ACVR1: variants seen among roughly 807,000 people sequenced by gnomAD.
ACVR1 encodes the protein activin A receptor type 1.
ACVR1 carries 38 observed loss-of-function variants against 57.1 expected under a neutral mutation model. The observed-to-expected ratio is 0.67, with a 90% confidence interval of 0.51 to 0.87. ACVR1 has a LOEUF of 0.87. ACVR1 is among the 40% of genes least tolerant of loss of function. The pLI is 0.00. For synonymous variants in ACVR1, 212 were observed against 228.1 expected, an observed-to-expected ratio of 0.93 and a Z score of 0.63; for missense variants, 463 against 638.2, an observed-to-expected ratio of 0.73 and a Z score of 2.96.
chr2:157,791,944 G>T (rs1206909025), intron 3 of ACVR1, among the ~76,000 whole-genome samples: 1 of 152,132 alleles, frequency 6.6e-6, no homozygotes, highest in Admixed American at 6.5e-5. Context: ...AAACTGGACT[G>T]TTGGTAATTT....
chr2:157,834,036 A>G (rs915446813), intron 1 of ACVR1, among the ~76,000 whole-genome samples: 61 of 152,206 alleles, frequency 4.0e-4, no homozygotes, highest in African/African-American at 1.4e-3. Flanking sequence ...CAGTTTTTTA[A>G]TAATACTTTG....
chr2:157,788,589 T>C (rs1686797861), intron 3 of ACVR1, among the ~76,000 whole-genome samples: 1 of 152,210 alleles, frequency 6.6e-6, no homozygotes, highest in Non-Finnish European at 1.5e-5. Context: ...TGTTCTATTT[T>C]ACTTTGCTAT....
chr2:157,800,590 T>C (rs1408724630), intron 2 of ACVR1, among the ~76,000 whole-genome samples: 1 of 152,190 alleles, frequency 6.6e-6, no homozygotes, highest in East Asian at 1.9e-4. Flanking sequence ...GGTTCCATAA[T>C]TATAGTTCAG....
At position 157,863,336 on chromosome 2, in the gene ACVR1, C is replaced by CTTTTTTTTTTTTTTTTT. The variant is rs1161335923; in HGVS notation, c.-183+12443_-183+12459dup. Among the ~76,000 whole-genome samples the CTTTTTTTTTTTTTTTTT allele has an allele frequency of 8.4e-5, 3 of 35,674 alleles. 1 individual carries two copies. Among genetic ancestry groups the CTTTTTTTTTTTTTTTTT allele is most frequent in the Non-Finnish European group, 1.4e-4 (3 of 20,822 alleles). 23.4% of individuals were successfully genotyped at this position (35,674 alleles called of 152,430 possible). A position where few individuals can be genotyped will look rare whatever the true frequency, so the allele number is the denominator to read the frequency against. On this transcript the variant is annotated intron_variant, in intron 1 of 10. Coordinates refer to ENST00000434821, the MANE Select transcript of ACVR1 (RefSeq NM_001111067.4). The stretch of plus-strand genomic sequence containing the variant: ...CCTATAGAACAGTTAAATTGTTTCT[C>CTTTTTTTTTTTTTTTTT]TTTTTTTTTTTTTTTTTTTTTTTTT...
intron 9 of ACVR1, among the ~76,000 whole-genome samples, chr2:157,748,470 G>T (rs1685056000): frequency 6.6e-6 from 1 of 152,144 alleles, no homozygotes; most frequent in African/African-American, 2.4e-5. Flanking sequence ...GTGAGGAAAT[G>T]AAGCTGACGT....
chr2:157,811,448 A>T (rs6749094), intron 2 of ACVR1, among the ~76,000 whole-genome samples: 1 of 152,130 alleles, frequency 6.6e-6, no homozygotes, highest in Non-Finnish European at 1.5e-5. Flanking sequence ...TAATATTTAA[A>T]TTTTTTATTA....
intron 1 of ACVR1, among the ~76,000 whole-genome samples, chr2:157,845,198 G>A (rs561818172): frequency 6.6e-6 from 1 of 152,342 alleles, no homozygotes; most frequent in South Asian, 2.1e-4. Flanking sequence ...AGGTAGTGTA[G>A]TGGGTTGAAC....
At chr2:157,847,016 A>C (rs531390038) in intron 1 of ACVR1, among the ~76,000 whole-genome samples, 10 of 152,318 alleles carry the variant, frequency 6.6e-5, no homozygotes, top group African/African-American at 2.4e-4. Flanking sequence ...ATATGTATGT[A>C]TATAAGCCCT....
At chr2:157,817,993 C>T (rs1170071749) in intron 2 of ACVR1, among the ~76,000 whole-genome samples, 1 of 130,462 alleles carries the variant, frequency 7.7e-6, no homozygotes, top group African/African-American at 2.5e-5. Context: ...CAGAACGAGA[C>T]TCCGTCTCAA....
At chr2:157,757,006 G>GATATATATATATTTGATAT (rs1252113270) in intron 9 of ACVR1, among the ~76,000 whole-genome samples, 1 of 129,600 alleles carries the variant, frequency 7.7e-6, no homozygotes, top group Non-Finnish European at 1.6e-5. Context: ...ATATATTTGA[G>GATATATATATATTTGATAT]ATATATATAT....
chr2:157,864,084 G>A (rs913037461), intron 1 of ACVR1, among the ~76,000 whole-genome samples: 4 of 151,460 alleles, frequency 2.6e-5, no homozygotes, highest in Admixed American at 1.3e-4. Context: ...GGATGGTCTC[G>A]ATCTCCTGAC....
intron 1 of ACVR1, among the ~76,000 whole-genome samples, chr2:157,833,886 T>C (rs1688677516): frequency 2.6e-5 from 4 of 152,324 alleles, no homozygotes; most frequent in Middle Eastern, 3.4e-3. Flanking sequence ...AGTTGTTTCA[T>C]GTGCAGCACT....
chr2:157,764,362 TC>T (rs1232529781), intron 8 of ACVR1, among the ~76,000 whole-genome samples: 32 of 147,394 alleles, frequency 2.2e-4, no homozygotes, highest in African/African-American at 7.7e-4. Context: ...TTATTATTTT[TC>T]TTTTTTTTTT....
intron 1 of ACVR1, among the ~76,000 whole-genome samples, chr2:157,865,821 A>AAGATAGAT (rs57214423): frequency 0.13 from 17,340 of 136,830 alleles, 1,177 homozygotes; most frequent in South Asian, 0.22. Flanking sequence ...AAAAAGAAAA[A>AAGATAGAT]AGATAGATAG....
At chr2:157,740,834 G>A (rs139299580) in intron 9 of ACVR1, among the ~76,000 whole-genome samples, 3 of 152,280 alleles carry the variant, frequency 2.0e-5, no homozygotes, top group African/African-American at 7.2e-5. Context: ...AATAAAAGGA[G>A]TCAAGTATTT....
chr2:157,764,621 C>T (rs1004109764), intron 8 of ACVR1, among the ~76,000 whole-genome samples: 5 of 152,224 alleles, frequency 3.3e-5, no homozygotes, highest in South Asian at 4.1e-4. Flanking sequence ...CCTCACTGTC[C>T]CTGTCTCACT....
chr2:157,778,459 C>T (rs940184373), intron 4 of ACVR1, 117 bp from the exon 5 acceptor site: 13 of 858,086 alleles, frequency 1.5e-5, no homozygotes, highest in East Asian at 5.3e-5. Context: ...TCACAACTCA[C>T]GAAGTATTAA....
intron 9 of ACVR1, among the ~76,000 whole-genome samples, chr2:157,742,257 C>T (rs1262743510): frequency 2.0e-5 from 3 of 152,154 alleles, no homozygotes; most frequent in East Asian, 1.9e-4. Context: ...ACTGCCAAAT[C>T]GTGAGCCAGC....
intron 3 of ACVR1, among the ~76,000 whole-genome samples, chr2:157,791,420 C>A (rs549223549): frequency 4.4e-4 from 67 of 152,338 alleles, no homozygotes; most frequent in Middle Eastern, 3.4e-3. Flanking sequence ...TTCTAGCCAA[C>A]ATTATTTATT....
Sources: allele counts gnomAD v4.1 joint callset (sites outside exome capture counted in the v4.1 genomes callset), GRCh38; gene constraint gnomAD v4.1.1; transcripts MANE v1.5; gene names NCBI Gene and HGNC (gene_info 2026-07-23, HGNC 2026-07-21).